CFAP68: variants seen among roughly 807,000 people sequenced by gnomAD.
CFAP68 encodes cilia and flagella associated protein 68, also known as cilia- and flagella-associated protein 68.
the CFAP68 span, chr11:111,881,015 G>A: frequency 6.2e-6 from 2 of 320,928 alleles, no homozygotes; most frequent in Non-Finnish European, 1.2e-5. Context: ...TAAAACAAGA[G>A]GCAACTGCAA....
the CFAP68 span, chr11:111,880,876 C>T: frequency 2.3e-6 from 1 of 429,426 alleles, no homozygotes; most frequent in Non-Finnish European, 4.6e-6. Flanking sequence ...GAATCTTACT[C>T]TGAAAACGGT....
At chr11:111,881,772 A>G in the CFAP68 span, among the ~76,000 whole-genome samples, 1 of 152,246 alleles carries the variant, frequency 6.6e-6, no homozygotes. Context: ...GGGTACAATA[A>G]TGAATAAAAC....
chr11:111,879,963 CAG>C, the CFAP68 span, among the ~76,000 whole-genome samples: 1 of 152,158 alleles, frequency 6.6e-6, no homozygotes, highest in African/African-American at 2.4e-5. Context: ...GATGGAGAAA[CAG>C]AATAGTTGAG....
chr11:111,883,814 A>G, the CFAP68 span: 1 of 1,613,770 alleles, frequency 6.2e-7, no homozygotes, highest in Non-Finnish European at 8.5e-7. Context: ...ATCAACCTGA[A>G]CTGGATCCTC....
chr11:111,879,597 C>T, the CFAP68 span: 1 of 1,614,078 alleles, frequency 6.2e-7, no homozygotes, highest in Admixed American at 1.7e-5. Flanking sequence ...CTCAAAATTT[C>T]TCTTCCAGGT....
At chr11:111,883,721 G>C in the CFAP68 span, 1 of 1,267,764 alleles carries the variant, frequency 7.9e-7, no homozygotes, top group Non-Finnish European at 1.2e-6. Context: ...AAACTCCTTA[G>C]TGTTGACTGT....
the CFAP68 span, chr11:111,882,617 TTTTG>T: frequency 1.6e-5 from 24 of 1,532,844 alleles, no homozygotes; most frequent in Middle Eastern, 1.8e-4. Flanking sequence ...ACTTTGTCTT[TTTTG>T]TTTGTTTGTT....
the CFAP68 span, chr11:111,883,895 A>C: frequency 1.1e-5 from 17 of 1,506,766 alleles, no homozygotes; most frequent in Non-Finnish European, 1.6e-5. Flanking sequence ...GGCATCACTC[A>C]GGATGTGTAT....
chr11:111,881,578 C>T, the CFAP68 span: 1,181 of 1,535,912 alleles, frequency 7.7e-4, 2 homozygotes, highest in Non-Finnish European at 9.4e-4. Context: ...TCAAAGAGCT[C>T]AACCTACTCA....
At chr11:111,881,078 G>A in the CFAP68 span, 1 of 546,512 alleles carries the variant, frequency 1.8e-6, no homozygotes, top group South Asian at 2.5e-5. Context: ...AATGGGAATG[G>A]AGGGTGGCAG....
chr11:111,882,706 TCA>T, the CFAP68 span: 1 of 1,030,684 alleles, frequency 9.7e-7, no homozygotes, highest in Admixed American at 3.0e-5. Context: ...CAGTGATCTC[TCA>T]GTTTTCAGTG....
the CFAP68 span, chr11:111,881,305 C>A: frequency 7.0e-7 from 1 of 1,432,542 alleles, no homozygotes. Context: ...TGTTTGGTAA[C>A]ATCAGTGCAT....
the CFAP68 span, among the ~76,000 whole-genome samples, chr11:111,883,605 GA>G: frequency 6.7e-6 from 1 of 149,506 alleles, no homozygotes; most frequent in African/African-American, 2.5e-5. Flanking sequence ...AAAAAAAAAA[GA>G]AAAAAAAGGT....
At chr11:111,880,088 A>G in the CFAP68 span, among the ~76,000 whole-genome samples, 2 of 152,180 alleles carry the variant, frequency 1.3e-5, no homozygotes, top group African/African-American at 4.8e-5. Flanking sequence ...TTTATTTTAC[A>G]AATGGGGGTA....
the CFAP68 span, chr11:111,881,425 G>A: frequency 1.3e-6 from 2 of 1,532,772 alleles, no homozygotes; most frequent in Non-Finnish European, 1.7e-6. Context: ...AGTGGGTGGT[G>A]ACTCCCAAAT....
chr11:111,882,144 G>A, the CFAP68 span, among the ~76,000 whole-genome samples: 2 of 152,178 alleles, frequency 1.3e-5, no homozygotes, highest in Middle Eastern at 3.4e-3. Context: ...CCTGGGGAGC[G>A]GGGGTGTGGA....
the CFAP68 span, chr11:111,885,780 A>G: frequency 2.0e-5 from 3 of 152,206 alleles, no homozygotes; most frequent in Non-Finnish European, 4.4e-5. Flanking sequence ...TATCTCCCAT[A>G]TATTACCTCT....
chr11:111,881,760 C>T, the CFAP68 span: 1 of 996,188 alleles, frequency 1.0e-6, no homozygotes, highest in Admixed American at 2.9e-5. Context: ...GGCAGAAGGA[C>T]AGGGTACAAT....
the CFAP68 span, chr11:111,883,705 TTAC>T: frequency 9.3e-7 from 1 of 1,075,674 alleles, no homozygotes; most frequent in Non-Finnish European, 1.4e-6. Context: ...GCAAGATCAG[TTAC>T]TAAAACTCCT....
Sources: gnomAD v4.1 joint callset for allele counts (sites outside exome capture counted in the v4.1 genomes callset) on GRCh38, gnomAD v4.1.1 for gene constraint, MANE v1.5 for transcripts, NCBI Gene and HGNC (gene_info 2026-07-23, HGNC 2026-07-21) for gene names.